Variants in OGG1 observed in about 807,000 individuals in gnomAD.
The protein encoded by OGG1 is 8-oxoguanine DNA glycosylase.
Under a neutral mutation model 42.3 loss-of-function variants are expected in OGG1, and 35 were observed. The ratio of observed to expected loss-of-function variants is 0.83; its 90% confidence interval spans 0.63 to 1.10. The LOEUF is 1.10. Among genes scored for constraint, OGG1 ranks in the 50% least tolerant of loss-of-function variants. The probability of loss-of-function intolerance (pLI) is 0.00; values close to 1 mark genes in which losing one functional copy is unlikely to be tolerated. For missense variants in OGG1, 484 were observed against 446.7 expected (o/e 1.08, Z -0.75); for synonymous variants, 189 against 179.0 (o/e 1.06, Z -0.44).
At chr3:9,790,021 T>C, downstream of OGG1, 1 of 1,515,936 alleles carries the variant, frequency 6.6e-7, no homozygotes, top group South Asian at 1.3e-5. Flanking sequence ...AATATCTCTT[T>C]CCTCTAGTGA....
chr3:9,765,712 C>T (rs775629499), intron 7 of OGG1: 4 of 1,604,538 alleles, frequency 2.5e-6, no homozygotes, highest in Non-Finnish European at 3.4e-6. Flanking sequence ...GATGGGAGGG[C>T]CAAGGCAGGG....
chr3:9,772,142 C>G (rs909678089), intron 2 of OGG1, among the ~76,000 whole-genome samples: 4 of 152,266 alleles, frequency 2.6e-5, no homozygotes, highest in Non-Finnish European at 4.4e-5. Flanking sequence ...CTATGGTGTG[C>G]TTTACATTTT....
At chr3:9,761,424 CTG>C (rs755658939), downstream of OGG1, 1 of 1,584,270 alleles carries the variant, frequency 6.3e-7, no homozygotes, top group African/African-American at 1.3e-5. Context: ...GAGGACAACT[CTG>C]GAGCCACAGC....
intron 2 of OGG1, among the ~76,000 whole-genome samples, chr3:9,773,258 G>A (rs572339058): frequency 1.3e-4 from 20 of 151,568 alleles, no homozygotes; most frequent in African/African-American, 2.9e-4. Flanking sequence ...GGCTGGGTGC[G>A]GTGGCTAACG....
At chr3:9,777,860 A>G (rs1366572498) in intron 2 of OGG1, among the ~76,000 whole-genome samples, 2 of 152,098 alleles carry the variant, frequency 1.3e-5, no homozygotes, top group Non-Finnish European at 2.9e-5. Context: ...AGTGGTTAAG[A>G]GGAGGGGGGT....
At chr3:9,761,665 C>T (rs778829061), downstream of OGG1, 8 of 1,614,184 alleles carry the variant, frequency 5.0e-6, no homozygotes, top group Non-Finnish European at 4.2e-6. Context: ...CGGTGGAGAG[C>T]ACACTGCCCG....
At chr3:9,762,856 G>T (rs1463015055) in intron 7 of OGG1, 1 of 1,568,440 alleles carries the variant, frequency 6.4e-7, no homozygotes, top group Non-Finnish European at 8.8e-7. Flanking sequence ...GACAGTTTGG[G>T]GTTTGCAAAG....
chr3:9,766,551 T>C (rs186934162), exon 8 of OGG1: 5 of 653,932 alleles, frequency 7.6e-6, no homozygotes, highest in African/African-American at 5.7e-5. Context: ...AATCTGCAGT[T>C]TAACAAAATC....
At chr3:9,767,454 T>A (rs898627577), downstream of OGG1, among the ~76,000 whole-genome samples, 1 of 152,220 alleles carries the variant, frequency 6.6e-6, no homozygotes, top group East Asian at 1.9e-4. Context: ...TCTCGACTTC[T>A]TTCTCTTCAA....
At chr3:9,785,494 AC>A in intron 3 of OGG1, 1 of 1,050,798 alleles carries the variant, frequency 9.5e-7, no homozygotes, top group South Asian at 1.4e-5. Context: ...TCTGACCTAC[AC>A]TGACAGTCTT....
At chr3:9,765,866 C>G (rs1385121570) in exon 8 of OGG1, 1 of 1,613,996 alleles carries the variant, frequency 6.2e-7, no homozygotes. Flanking sequence ...TATCTTCTGC[C>G]AGGATCACCT....
At chr3:9,776,284 C>G (rs966363468) in intron 2 of OGG1, among the ~76,000 whole-genome samples, 1 of 152,140 alleles carries the variant, frequency 6.6e-6, no homozygotes, top group African/African-American at 2.4e-5. Context: ...TTTCTTTCCA[C>G]ATCCTCCCTG....
At chr3:9,770,064 G>C (rs1019557585), downstream of OGG1, 3 of 152,514 alleles carry the variant, frequency 2.0e-5, no homozygotes, top group Non-Finnish European at 4.4e-5. Context: ...TCCAAGGCTG[G>C]GGAAGGGGCA....
chr3:9,764,895 A>G (rs1575253778), intron 7 of OGG1, among the ~76,000 whole-genome samples: 1 of 152,058 alleles, frequency 6.6e-6, no homozygotes. Context: ...CAAACTTGCC[A>G]TGTGACTGTA....
At chr3:9,788,836 A>G (rs888343337), downstream of OGG1, among the ~76,000 whole-genome samples, 16 of 147,370 alleles carry the variant, frequency 1.1e-4, no homozygotes, top group Admixed American at 4.1e-4. Flanking sequence ...TGACTTTTAT[A>G]TCTTTTTTTT....
At chr3:9,750,779 T>A (rs2077265114) in intron 1 of OGG1, 166 bp from the exon 2 acceptor site, 8 of 893,446 alleles carry the variant, frequency 9.0e-6, no homozygotes, top group Non-Finnish European at 1.2e-5. Flanking sequence ...CCGGTTAAAT[T>A]TTTGTATTTT....
intron 7 of OGG1, among the ~76,000 whole-genome samples, chr3:9,764,617 G>GTTTTT (rs202012854): frequency 6.1e-4 from 57 of 93,402 alleles, no homozygotes; most frequent in Non-Finnish European, 1.1e-3. Flanking sequence ...TGGCGTTTTT[G>GTTTTT]TTTTTTTTTT....
chr3:9,759,963 C>T (rs1363074041), downstream of OGG1: 5 of 628,504 alleles, frequency 8.0e-6, no homozygotes, highest in East Asian at 1.6e-4. Flanking sequence ...AAACATATGG[C>T]CGGGCACAGT....
At chr3:9,765,965 G>A in exon 8 of OGG1, 3 of 1,614,064 alleles carry the variant, frequency 1.9e-6, no homozygotes, top group African/African-American at 1.3e-5. Flanking sequence ...CATTCCCTAT[G>A]GGTTCTGTGA....
Sources: gnomAD v4.1 joint callset for allele counts (sites outside exome capture counted in the v4.1 genomes callset) on GRCh38, gnomAD v4.1.1 for gene constraint, MANE v1.5 for transcripts, NCBI Gene and HGNC (gene_info 2026-07-23, HGNC 2026-07-21) for gene names.